DIP2C: variants seen among roughly 807,000 people sequenced by gnomAD.
DIP2C encodes the protein disco-interacting protein 2 homolog C.
Under a neutral mutation model 192.4 loss-of-function variants are expected in DIP2C, and 33 were observed. The ratio of observed to expected loss-of-function variants is 0.17; its 90% CI spans 0.13 to 0.23. The LOEUF is 0.23. Among genes scored for constraint, DIP2C ranks in the 10% least tolerant of loss-of-function variants. The probability of loss-of-function intolerance (pLI) is 1.00; values close to 1 mark genes in which losing one functional copy is unlikely to be tolerated. For missense variants in DIP2C, 1,537 were observed against 2,110.1 expected (o/e 0.73, Z 5.32); for synonymous variants, 979 against 864.1 (o/e 1.13, Z -2.33).
intron 2 of DIP2C, among the ~76,000 whole-genome samples, chr10:473,091 A>G (rs1239388958): frequency 6.6e-6 from 1 of 152,238 alleles, no homozygotes; most frequent in Non-Finnish European, 1.5e-5. Context: ...TTGGATGCCA[A>G]GTGTTTTAAC....
chr10:471,511 C>G (rs4881331), intron 3 of DIP2C, among the ~76,000 whole-genome samples: 127,208 of 152,074 alleles, frequency 0.84, 55,947 homozygotes, highest in Non-Finnish European at 0.96. Context: ...ACAACAGTCA[C>G]GACTTCACCT....
chr10:575,290 G>A (rs1216797111), intron 1 of DIP2C, among the ~76,000 whole-genome samples: 3 of 152,162 alleles, frequency 2.0e-5, no homozygotes, highest in African/African-American at 4.8e-5. Flanking sequence ...CAGTCTTTGT[G>A]ATTGCTTTTA....
chr10:319,012 A>T (rs1956892001), intron 31 of DIP2C, among the ~76,000 whole-genome samples: 1 of 151,742 alleles, frequency 6.6e-6, no homozygotes. Context: ...TCCCAAGTTC[A>T]GGCAATTCCC....
chr10:329,289 G>A (rs1957397621), intron 30 of DIP2C, 144 bp downstream of exon 30: 1 of 812,048 alleles, frequency 1.2e-6, no homozygotes, highest in South Asian at 3.0e-5. Flanking sequence ...TATAAAGGCA[G>A]TTTGTAAGCT....
rs545442981 is a variant in DIP2C at position 459,815 on chromosome 10, C to T, written c.268+12624G>A. On this transcript the variant is annotated intron_variant, in intron 3 of 36. Transcript: ENST00000280886. ...GTGAGCTCTAGGACCTTCCCACAGC[C>T]ACATCAGGGAACTGCGTGCTGCACG... Among the ~76,000 whole-genome samples, 293 of 149,468 alleles carry T rather than the reference C, an allele frequency of 2.0e-3. 3 individuals carry two copies. Among genetic ancestry groups the T allele is most frequent in the Middle Eastern group, 0.011 (3 of 278 alleles).
At chr10:454,808 C>G (rs1969153481) in intron 3 of DIP2C, among the ~76,000 whole-genome samples, 1 of 151,668 alleles carries the variant, frequency 6.6e-6, no homozygotes, top group African/African-American at 2.4e-5. Flanking sequence ...ACATGAGCAC[C>G]CCTGGAACCC....
chr10:506,832 G>A (rs774824629), intron 1 of DIP2C, among the ~76,000 whole-genome samples: 2 of 152,198 alleles, frequency 1.3e-5, no homozygotes, highest in Non-Finnish European at 2.9e-5. Flanking sequence ...TCCTGCACCC[G>A]CCAGCTGTGC....
chr10:286,153 C>T, intron 34 of DIP2C, 120 bp downstream of exon 34: 1 of 875,326 alleles, frequency 1.1e-6, no homozygotes, highest in Non-Finnish European at 1.8e-6. Flanking sequence ...AATCATAACT[C>T]ACTCAGCTCA....
chr10:436,763 A>C (rs1417987210), intron 4 of DIP2C, among the ~76,000 whole-genome samples: 1 of 116,848 alleles, frequency 8.6e-6, no homozygotes, highest in Non-Finnish European at 1.6e-5. Flanking sequence ...GTAGGGTGAT[A>C]TGCTCCGCCC....
intron 2 of DIP2C, among the ~76,000 whole-genome samples, chr10:480,918 C>T (rs1215137929): frequency 6.6e-6 from 1 of 152,198 alleles, no homozygotes; most frequent in Non-Finnish European, 1.5e-5. Flanking sequence ...GCCATCTGGA[C>T]ACCCACGTTT....
chr10:395,173 T>G (rs1470964574), intron 10 of DIP2C, among the ~76,000 whole-genome samples: 13 of 138,704 alleles, frequency 9.4e-5, no homozygotes, highest in Non-Finnish European at 1.1e-4. Context: ...CATGGGGAGA[T>G]GTTGGTCAGA....
At chr10:288,791 C>T (rs1009934983) in intron 32 of DIP2C, among the ~76,000 whole-genome samples, 9 of 152,182 alleles carry the variant, frequency 5.9e-5, no homozygotes, top group South Asian at 2.1e-4. Flanking sequence ...CCTCAAGCAC[C>T]GACGGCTGTC....
intron 1 of DIP2C, among the ~76,000 whole-genome samples, chr10:558,321 C>A (rs993676440): frequency 6.6e-6 from 1 of 152,166 alleles, no homozygotes; most frequent in Non-Finnish European, 1.5e-5. Flanking sequence ...GCTTCCTGAC[C>A]CTGAACCAGG....
At position 363,761 on chromosome 10, in the gene DIP2C, C is replaced by T. The variant is rs1019784719; in HGVS notation, c.2478-450G>A. ...CCTTATACTGTCAGCACAGCACAGT[C>T]ACCTCCAGTAAAAGAGATTGTAGCT... On this transcript the variant is annotated intron_variant, in intron 20 of 36. Coordinates refer to ENST00000280886, the MANE Select transcript of DIP2C (RefSeq NM_014974.3). This position sits in a 1 kb window ranked among gnomAD's most constrained non-coding sequence, Gnocchi z 5.4. 2.0e-5 allele frequency among the ~76,000 whole-genome samples: 3 copies of T among 152,306 alleles called. No individual in the cohort carries two copies. Among genetic ancestry groups the T allele is most frequent in the Middle Eastern group, 3.4e-3 (1 of 294 alleles).
intron 1 of DIP2C, among the ~76,000 whole-genome samples, chr10:611,151 T>C (rs1853073747): frequency 6.6e-6 from 1 of 152,142 alleles, no homozygotes; most frequent in Non-Finnish European, 1.5e-5. Flanking sequence ...TGTCTCATGA[T>C]AGTTCTCATG....
intron 4 of DIP2C, among the ~76,000 whole-genome samples, chr10:434,384 G>A (rs1364285236): frequency 2.6e-5 from 4 of 152,184 alleles, no homozygotes; most frequent in African/African-American, 7.2e-5. Flanking sequence ...CTGGGCTCAA[G>A]TGACCCTCCC....
intron 19 of DIP2C, 44 bp downstream of exon 19, chr10:366,231 C>T (rs371596807): frequency 3.7e-5 from 59 of 1,602,952 alleles, no homozygotes; most frequent in Middle Eastern, 3.3e-4. Context: ...TCTTTGGAGA[C>T]GGAGCCACAG....
chr10:682,358 T>C (rs1831165662), intron 1 of DIP2C, among the ~76,000 whole-genome samples: 1 of 152,172 alleles, frequency 6.6e-6, no homozygotes, highest in Non-Finnish European at 1.5e-5. Context: ...AAAGGGCAGA[T>C]TGCCACCTCC....
At chr10:412,129 A>T (rs1965225496) in intron 8 of DIP2C, among the ~76,000 whole-genome samples, 1 of 152,220 alleles carries the variant, frequency 6.6e-6, no homozygotes, top group South Asian at 2.1e-4. Context: ...AAAGACACCA[A>T]CCCTGTTCAA....
Sources: allele counts gnomAD v4.1 joint callset (sites outside exome capture counted in the v4.1 genomes callset), GRCh38; gene constraint gnomAD v4.1.1; non-coding constraint Gnocchi (gnomAD v3.1); transcripts MANE v1.5; gene names NCBI Gene and HGNC (gene_info 2026-07-23, HGNC 2026-07-21).